Variants in NRG3 observed in about 807,000 individuals in gnomAD.
The protein encoded by NRG3 is neuregulin 3.
NRG3 carries 31 observed loss-of-function variants against 66.9 expected under a neutral mutation model. That is an observed-to-expected ratio of 0.46 (90% confidence interval 0.35 to 0.63). The LOEUF (loss-of-function observed/expected upper bound fraction) is 0.63, where lower values mean the gene tolerates loss of function less well. Among genes scored for constraint, NRG3 ranks in the 20% least tolerant of loss-of-function variants. NRG3 has a pLI of 0.00. For synonymous variants in NRG3, 393 were observed against 359.4 expected (o/e 1.09, Z -1.06); for missense variants, 910 against 878.9 (o/e 1.04, Z -0.45).
intron 1 of NRG3, among the ~76,000 whole-genome samples, chr10:82,217,370 AT>A (rs2075740351): frequency 1.3e-5 from 2 of 152,258 alleles, no homozygotes; most frequent in African/African-American, 4.8e-5. Context: ...GACCTACAAC[AT>A]TAGGACCACG....
rs576476952 is a variant in NRG3 at position 82,275,464 on chromosome 10, A to G, written c.824-83275A>G. On this transcript the variant is annotated intron_variant, in intron 1 of 8. Coordinates refer to ENST00000372141, the MANE Select transcript of NRG3 (RefSeq NM_001010848.4). ...TACATGACCTAAAAAATTAGACTCT[A>G]TTTGTTAATAAGAGTCTAACTTATT... 2.0e-5 allele frequency among the ~76,000 whole-genome samples: 3 copies of G among 152,160 alleles called. No homozygotes were observed. The South Asian group carries it at 6.2e-4, about 32-fold the overall frequency.
chr10:82,738,110 A>G (rs1044559394), intron 2 of NRG3, among the ~76,000 whole-genome samples: 2 of 152,174 alleles, frequency 1.3e-5, no homozygotes, highest in Non-Finnish European at 2.9e-5. Flanking sequence ...ACAGTGAACA[A>G]GCTAATAAAA....
At chr10:82,104,280 G>A (rs1461774625) in intron 1 of NRG3, among the ~76,000 whole-genome samples, 2 of 152,124 alleles carry the variant, frequency 1.3e-5, no homozygotes, top group Non-Finnish European at 2.9e-5. Context: ...ATTAAAGAAT[G>A]TGTTAGCTAT....
At chr10:82,604,940 C>T (rs972085514) in intron 2 of NRG3, among the ~76,000 whole-genome samples, 1 of 152,066 alleles carries the variant, frequency 6.6e-6, no homozygotes, top group Non-Finnish European at 1.5e-5. Context: ...TGTAACTTTG[C>T]CATAGTTGCC....
At chr10:82,675,595 C>T (rs960526086) in intron 2 of NRG3, among the ~76,000 whole-genome samples, 1 of 152,192 alleles carries the variant, frequency 6.6e-6, no homozygotes, top group African/African-American at 2.4e-5. Context: ...ATTCAGCCCC[C>T]TCTATCTGCC....
At chr10:81,896,783 C>T (rs921870493) in intron 1 of NRG3, among the ~76,000 whole-genome samples, 1 of 151,898 alleles carries the variant, frequency 6.6e-6, no homozygotes, top group Non-Finnish European at 1.5e-5. Flanking sequence ...TCCTCTTCCA[C>T]ACAGCCTGTC....
intron 4 of NRG3, among the ~76,000 whole-genome samples, chr10:82,947,880 A>G (rs1160910978): frequency 6.6e-6 from 1 of 152,102 alleles, no homozygotes; most frequent in Non-Finnish European, 1.5e-5. Flanking sequence ...TTTGATTTTC[A>G]TAATGGTGTC....
chr10:82,134,093 C>T (rs2069141966), intron 1 of NRG3, among the ~76,000 whole-genome samples: 2 of 151,692 alleles, frequency 1.3e-5, no homozygotes, highest in Non-Finnish European at 2.9e-5. Context: ...TGTCCTTTGC[C>T]CACTTTTTGA....
intron 1 of NRG3, among the ~76,000 whole-genome samples, chr10:81,936,551 T>C (rs979725952): frequency 6.6e-6 from 1 of 151,982 alleles, no homozygotes; most frequent in African/African-American, 2.4e-5. Context: ...TGTACAGAAG[T>C]GAGTGGGAGA....
At chr10:81,997,480 TG>T (rs2060984635) in intron 1 of NRG3, among the ~76,000 whole-genome samples, 1 of 152,208 alleles carries the variant, frequency 6.6e-6, no homozygotes, top group South Asian at 2.1e-4. Context: ...TGTAAACTGA[TG>T]GAAGCCTTTA....
At chr10:82,099,690 G>A (rs977621847) in intron 1 of NRG3, among the ~76,000 whole-genome samples, 1 of 152,094 alleles carries the variant, frequency 6.6e-6, no homozygotes, top group African/African-American at 2.4e-5. Context: ...TTGTCTCTAA[G>A]CTGGGCACTG....
chr10:81,964,799 AGTT>A, intron 1 of NRG3, among the ~76,000 whole-genome samples: 1 of 152,112 alleles, frequency 6.6e-6, no homozygotes, highest in South Asian at 2.1e-4. Flanking sequence ...AGATATATCC[AGTT>A]GTTGTCTTTC....
chr10:82,607,117 G>A lies in NRG3; in HGVS notation c.954-131460G>A, dbSNP rs191039735. On this transcript the variant is annotated intron_variant, in intron 2 of 8. Transcript: ENST00000372141. ...GTGTATTGGTCAGTTACTGTGCAAT[G>A]AGAAATCAAATCTGGAGGTCCTGTA... Among the ~76,000 whole-genome samples the A allele has an allele frequency of 1.1e-4, 17 of 152,298 alleles. No homozygotes were observed. The East Asian group carries it at 3.3e-3, about 29-fold the overall frequency.
Position 82,308,164 on chromosome 10 carries a change from T to TATTG in NRG3, c.824-50565_824-50562dup, listed in dbSNP as rs537284251. Among the ~76,000 whole-genome samples the TATTG allele has an allele frequency of 1.4e-3, 211 of 152,266 alleles. 2 individuals carry two copies. The highest frequency in any genetic ancestry group is 2.7e-3 in the South Asian group (13 of 4,820). On this transcript the variant is annotated intron_variant, in intron 1 of 8. Coordinates refer to ENST00000372141, the MANE Select transcript of NRG3 (RefSeq NM_001010848.4). ...CCTTATCTTCAAGAAGGCATTGATT[T>TATTG]ATTGATTGATTGACTGATTGAGACA...
At chr10:82,640,930 G>A (rs1222014281) in intron 2 of NRG3, among the ~76,000 whole-genome samples, 1 of 151,624 alleles carries the variant, frequency 6.6e-6, no homozygotes, top group Non-Finnish European at 1.5e-5. Context: ...GATTTGATAG[G>A]AATTGTTGCA....
At chr10:82,345,993 A>T (rs973825673) in intron 1 of NRG3, among the ~76,000 whole-genome samples, 3 of 152,170 alleles carry the variant, frequency 2.0e-5, no homozygotes, top group Non-Finnish European at 4.4e-5. Flanking sequence ...CTAGATATAC[A>T]ATCATGTCAT....
chr10:82,379,164 G>T (rs2085449396), intron 2 of NRG3, among the ~76,000 whole-genome samples: 1 of 152,134 alleles, frequency 6.6e-6, no homozygotes, highest in African/African-American at 2.4e-5. Flanking sequence ...TGGTTTGGTA[G>T]TGTTGAGAGG....
intron 2 of NRG3, among the ~76,000 whole-genome samples, chr10:82,706,202 G>T (rs2056274109): frequency 6.6e-6 from 1 of 152,076 alleles, no homozygotes; most frequent in Non-Finnish European, 1.5e-5. Context: ...TCATTAGAGT[G>T]GCAATGCTAA....
At chr10:81,992,969 A>G (rs2133588860) in intron 1 of NRG3, among the ~76,000 whole-genome samples, 1 of 152,246 alleles carries the variant, frequency 6.6e-6, no homozygotes, top group South Asian at 2.1e-4. Context: ...TACTTCCCTA[A>G]ATTACTTTAT....
Sources: gnomAD v4.1 joint callset for allele counts (sites outside exome capture counted in the v4.1 genomes callset) on GRCh38, gnomAD v4.1.1 for gene constraint, MANE v1.5 for transcripts, NCBI Gene and HGNC (gene_info 2026-07-23, HGNC 2026-07-21) for gene names.